The following TDRD10 variants were observed in gnomAD, a reference collection of about 807,000 sequenced individuals.
TDRD10 encodes tudor domain containing 10.
In TDRD10, 40 loss-of-function variants were observed where a neutral mutation model predicts 48.0. The observed-to-expected ratio is 0.83, with a 90% CI of 0.65 to 1.09. TDRD10 has a LOEUF of 1.09. TDRD10 is among the 50% of genes least tolerant of loss of function. TDRD10 has a pLI of 0.00. For synonymous variants in TDRD10, 162 were observed against 170.4 expected, an observed-to-expected ratio of 0.95 and a Z score of 0.38; for missense variants, 378 against 434.7, an observed-to-expected ratio of 0.87 and a Z score of 1.16.
intron 6 of TDRD10, among the ~76,000 whole-genome samples, chr1:154,540,513 A>C (rs1457312789): frequency 4.9e-4 from 21 of 42,974 alleles, no homozygotes; most frequent in East Asian, 3.1e-3. Flanking sequence ...TCTACAAAAA[A>C]AAAAAAAAAA....
At chr1:154,508,869 A>G (rs1693294454) in intron 4 of TDRD10, among the ~76,000 whole-genome samples, 1 of 152,166 alleles carries the variant, frequency 6.6e-6, no homozygotes, top group African/African-American at 2.4e-5. Context: ...TTTGACTGTT[A>G]AATGAGCTGG....
chr1:154,513,445 T>A (rs972343107), intron 4 of TDRD10, among the ~76,000 whole-genome samples: 2 of 152,162 alleles, frequency 1.3e-5, no homozygotes, highest in Non-Finnish European at 2.9e-5. Context: ...ATGATAGAAT[T>A]AGAAAATGAC....
intron 6 of TDRD10, among the ~76,000 whole-genome samples, chr1:154,526,544 C>T (rs963879369): frequency 1.2e-4 from 18 of 151,962 alleles, no homozygotes; most frequent in Admixed American, 3.3e-4. Context: ...CAACCTCTGC[C>T]TCCTGGGTTC....
In TDRD10 at chr1:154,514,882, T is replaced by TTATTTA. The variant is rs1557816912; in HGVS notation, c.142-5421_142-5420insATTTAT. Among the ~76,000 whole-genome samples, 377 of 58,862 alleles carry TTATTTA rather than the reference T, an allele frequency of 6.4e-3. 1 individual carries two copies. Among genetic ancestry groups the TTATTTA allele is most frequent in the African/African-American group, 0.017 (347 of 20,348 alleles). The allele number at this position is 58,862 out of a possible 152,430, so 38.6% of individuals were successfully genotyped here. On this transcript the variant is annotated intron_variant, in intron 4 of 12. Transcript: ENST00000368482. Reference sequence around the variant, plus strand: ...TATTTATTTATTTATTTATTTTTTTTTTTGAGACGGAGCCTTACTCTGTTG... The same window carrying TTATTTA: ...TATTTATTTATTTATTTATTTTTTTTTATTTATTTGAGACGGAGCCTTACTCTGTTG...
At chr1:154,541,446 C>T (rs1356194955) in intron 6 of TDRD10, among the ~76,000 whole-genome samples, 1 of 151,554 alleles carries the variant, frequency 6.6e-6, no homozygotes, top group Non-Finnish European at 1.5e-5. Context: ...AGTCAAGGTG[C>T]GTGGGTGGTG....
chr1:154,510,625 C>T (rs1463658752), intron 4 of TDRD10, among the ~76,000 whole-genome samples: 11 of 151,656 alleles, frequency 7.3e-5, no homozygotes, highest in Admixed American at 6.6e-4. Flanking sequence ...AAAACTGAAA[C>T]GTCTAAGATT....
intron 6 of TDRD10, among the ~76,000 whole-genome samples, chr1:154,540,939 G>A (rs564658955): frequency 1.3e-5 from 2 of 152,318 alleles, no homozygotes; most frequent in African/African-American, 2.4e-5. Flanking sequence ...ATTCAGAACA[G>A]GGGAGTGACC....
At chr1:154,529,375 C>T (rs938856563) in intron 6 of TDRD10, among the ~76,000 whole-genome samples, 37 of 152,076 alleles carry the variant, frequency 2.4e-4, no homozygotes, top group African/African-American at 8.5e-4. Flanking sequence ...GGCTGGAAAA[C>T]ATTATAATTT....
chr1:154,532,451 T>C (rs61403567), intron 6 of TDRD10, among the ~76,000 whole-genome samples: 29,521 of 151,896 alleles, frequency 0.19, 3,102 homozygotes, highest in South Asian at 0.23. Context: ...CCACCTGTGC[T>C]TCTCCCTCCA....
chr1:154,528,900 G>A (rs1014721169), intron 6 of TDRD10, among the ~76,000 whole-genome samples: 10 of 152,032 alleles, frequency 6.6e-5, no homozygotes, highest in South Asian at 2.1e-4. Context: ...TTTTTAAATA[G>A]TTGTGCTAGA....
At chr1:154,546,438 C>A (rs1232024008) in intron 11 of TDRD10, among the ~76,000 whole-genome samples, 1 of 140,448 alleles carries the variant, frequency 7.1e-6, no homozygotes, top group Admixed American at 7.4e-5. Flanking sequence ...TTATATATAT[C>A]ACGTAATATA....
chr1:154,504,335 T>C (rs1233177864), intron 1 of TDRD10, among the ~76,000 whole-genome samples: 1 of 152,264 alleles, frequency 6.6e-6, no homozygotes, highest in Non-Finnish European at 1.5e-5. Flanking sequence ...TGAATATTTG[T>C]GGAAAAGTCT....
In TDRD10 at chr1:154,547,077, C is replaced by T. The variant is rs547810363; in HGVS notation, c.953-332C>T. 1.6e-4 allele frequency among the ~76,000 whole-genome samples: 24 copies of T among 152,226 alleles called. No homozygotes were observed. The East Asian group carries it at 3.5e-3, about 22-fold the overall frequency. ...TGGTTTTAACCTTCTTCTATCCAGCCGGAACTCTCAGAGCAGAGTTCAGTG... is the reference window on the plus strand; with the variant it reads ...TGGTTTTAACCTTCTTCTATCCAGCTGGAACTCTCAGAGCAGAGTTCAGTG... On this transcript the variant is annotated intron_variant, in intron 11 of 12. Transcript: ENST00000368482.
At chr1:154,536,620 A>G (rs4390168) in intron 6 of TDRD10, among the ~76,000 whole-genome samples, 27,928 of 152,208 alleles carry the variant, frequency 0.18, 2,918 homozygotes, top group South Asian at 0.23. Context: ...GCAGCATGTA[A>G]CCACTGTCAC....
chr1:154,505,368 T>C (rs1380548933), intron 1 of TDRD10, among the ~76,000 whole-genome samples: 4 of 152,236 alleles, frequency 2.6e-5, no homozygotes, highest in Admixed American at 2.6e-4. Context: ...CAGAAGCCCA[T>C]AGGCTTTTCC....
chr1:154,539,313 T>A (rs992358115), intron 6 of TDRD10, among the ~76,000 whole-genome samples: 3 of 152,042 alleles, frequency 2.0e-5, no homozygotes, highest in Non-Finnish European at 4.4e-5. Flanking sequence ...TTCTTTTTTC[T>A]TTTTTTTAAA....
intron 6 of TDRD10, among the ~76,000 whole-genome samples, chr1:154,527,109 C>T (rs1466338944): frequency 6.6e-6 from 1 of 151,618 alleles, no homozygotes; most frequent in Admixed American, 6.6e-5. Flanking sequence ...CAGGATTTCG[C>T]CATGTTGGGC....
In TDRD10 at chr1:154,542,693, G is replaced by A. The variant is rs367825947; in HGVS notation, c.413-38G>A. On this transcript the variant is annotated intron_variant, in intron 7 of 12. Coordinates refer to ENST00000368482, the MANE Select transcript of TDRD10 (RefSeq NM_182499.4). ...TAGGGGAGCAATTCCTCTCTGGGTA[G>A]TTCTGGTGCCTCCAGGACTTAGTCT... 3.2e-5 allele frequency: 51 copies of A among 1,572,926 alleles called. No homozygotes were observed. In the African/African-American group the frequency reaches 6.5e-4, roughly 20 times the overall value.
intron 4 of TDRD10, 101 bp from the exon 5 acceptor site, chr1:154,520,203 G>A: frequency 2.4e-6 from 2 of 827,756 alleles, no homozygotes; most frequent in South Asian, 1.4e-5. Flanking sequence ...TTAAGTATGA[G>A]TTAAATTGAG....
Sources: allele counts gnomAD v4.1 joint callset (sites outside exome capture counted in the v4.1 genomes callset), GRCh38; gene constraint gnomAD v4.1.1; transcripts MANE v1.5; gene names NCBI Gene and HGNC (gene_info 2026-07-23, HGNC 2026-07-21).